The following PRR29 variants were observed in gnomAD, a reference collection of about 807,000 sequenced individuals.
The protein encoded by PRR29 is proline-rich protein 29.
In PRR29, 20 loss-of-function variants were observed where a neutral mutation model predicts 25.1. The observed-to-expected ratio is 0.80, with a 90% CI of 0.56 to 1.16. The LOEUF (loss-of-function observed/expected upper bound fraction) is 1.16. PRR29 is among the 50% of genes most tolerant of loss of function. The pLI is 0.00. For missense variants in PRR29, 238 were observed against 246.6 expected (o/e 0.97, Z 0.23); for synonymous variants, 108 against 102.6 (o/e 1.05, Z -0.32).
At position 63,998,416 on chromosome 17, in the gene PRR29, G is replaced by A; in HGVS notation, c.52G>A (p.Val18Ile). 6.7e-7 allele frequency: 1 copy of A among 1,495,846 alleles called. No homozygotes were observed. The highest frequency in any genetic ancestry group is 8.9e-7 in the Non-Finnish European group (1 of 1,126,318). 92.7% of individuals were successfully genotyped at this position (1,495,846 alleles called of 1,614,324 possible). ...SWGRSPPQSA[V>I]PTPWVTFLQP... Reference sequence around the variant, plus strand: ...GGGTCGCTCCCCACCGCAGAGCGCAGTCCCGACGGTGAGGGCTGAGCCCGG... The same window carrying A: ...GGGTCGCTCCCCACCGCAGAGCGCAATCCCGACGGTGAGGGCTGAGCCCGG... Residue 18 changes from valine (V) to isoleucine (I), a missense_variant, in exon 1 of 6, where the codon GTC becomes ATC. Transcript: ENST00000412177.
intron 3 of PRR29, chr17:63,999,905 T>TG (rs1464293541): frequency 6.5e-6 from 1 of 153,276 alleles, no homozygotes; most frequent in African/African-American, 2.4e-5. Flanking sequence ...TGTGTGCAAG[T>TG]GGGGGTGTGT....
chr17:64,001,345 T>C (rs915946208), intron 4 of PRR29, 35 bp downstream of exon 4: 12 of 1,523,356 alleles, frequency 7.9e-6, no homozygotes, highest in Non-Finnish European at 1.1e-5. Context: ...GGTTCTGCTC[T>C]GGGCTGGAAG....
Position 63,998,404 on chromosome 17 carries a change from C to T in PRR29, c.40C>T (p.Pro14Ser), listed in dbSNP as rs1392605051. 6.6e-7 allele frequency: 1 copy of T among 1,508,820 alleles called. No individual in the cohort carries two copies. Among genetic ancestry groups the T allele is most frequent in the Non-Finnish European group, 8.8e-7 (1 of 1,133,668 alleles). The allele number at this position is 1,508,820 out of a possible 1,614,324, so 93.5% of individuals were successfully genotyped here. ...GAGGSWGRSP[P>S]QSAVPTPWVT... ...GGGCGGAAGCTGGGGTCGCTCCCCA[C>T]CGCAGAGCGCAGTCCCGACGGTGAG... The change falls in exon 1 of 6, where the codon CCG (proline) becomes TCG (serine). Residue 14 changes from proline to serine, a missense_variant. Coordinates refer to ENST00000412177, the MANE Select transcript of PRR29 (RefSeq NM_001164257.2).
Position 64,002,258 on chromosome 17 carries a change from T to G in PRR29, c.*497T>G. 9.5e-6 allele frequency: 5 copies of G among 527,690 alleles called. No homozygotes were observed. The highest frequency in any genetic ancestry group is 1.7e-5 in the Non-Finnish European group (5 of 293,524). The allele number at this position is 527,690 out of a possible 1,614,324, so 32.7% of individuals were successfully genotyped here. On this transcript the variant is annotated 3_prime_UTR_variant, in exon 6 of 6. Transcript: ENST00000412177. Reference sequence around the variant, plus strand: ...TGCTGGGCAGCGCCCCTGAGCAGAGTCAGTTCGCTGGGCCCCCCACCCCTC... The same window carrying G: ...TGCTGGGCAGCGCCCCTGAGCAGAGGCAGTTCGCTGGGCCCCCCACCCCTC...
intron 3 of PRR29, 105 bp from the exon 4 acceptor site, chr17:64,000,979 A>T: frequency 9.8e-7 from 1 of 1,018,930 alleles, no homozygotes; most frequent in Non-Finnish European, 1.5e-6. Flanking sequence ...AGCCATTCTT[A>T]CAAAGCCTAT....
chr17:64,003,009 C>T lies in PRR29; in HGVS notation c.*1248C>T. On this transcript the variant is annotated 3_prime_UTR_variant, in exon 6 of 6. Transcript: ENST00000412177. ...AAAGGGAGTGGAAGTCCACCCCCAACCCAGACCCCCAGACCCCGCCGCCCG... is the reference window on the plus strand; with the variant it reads ...AAAGGGAGTGGAAGTCCACCCCCAATCCAGACCCCCAGACCCCGCCGCCCG... The T allele has an allele frequency of 1.7e-6, 2 of 1,190,762 alleles. No individual in the cohort carries two copies. Among genetic ancestry groups the T allele is most frequent in the Non-Finnish European group, 2.4e-6 (2 of 846,532 alleles). 73.8% of individuals were successfully genotyped at this position (1,190,762 alleles called of 1,614,324 possible).
intron 2 of PRR29, 65 bp downstream of exon 2, chr17:63,998,847 C>T: frequency 2.5e-6 from 3 of 1,195,502 alleles, no homozygotes; most frequent in Admixed American, 2.0e-5. Flanking sequence ...TTCTGCCTCG[C>T]ACATCCTCTG....
In PRR29 at chr17:64,002,163, T is replaced by C. The variant is rs1910817680; in HGVS notation, c.*402T>C. 2.6e-6 allele frequency: 2 copies of C among 756,778 alleles called. No individual in the cohort carries two copies. The highest frequency in any genetic ancestry group is 4.2e-6 in the Non-Finnish European group (2 of 479,824). 46.9% of individuals were successfully genotyped at this position (756,778 alleles called of 1,614,324 possible). ...AGCAAGAGGGGAGGGGGGGATTCCTTCTGCTTTCCACAGCTTTGAAGGCCC... is the reference window on the plus strand; with the variant it reads ...AGCAAGAGGGGAGGGGGGGATTCCTCCTGCTTTCCACAGCTTTGAAGGCCC... On this transcript the variant is annotated 3_prime_UTR_variant, in exon 6 of 6. Coordinates refer to ENST00000412177, the MANE Select transcript of PRR29 (RefSeq NM_001164257.2).
At chr17:63,998,519 G>A in intron 1 of PRR29, 95 bp downstream of exon 1, 1 of 1,344,206 alleles carries the variant, frequency 7.4e-7, no homozygotes, top group Middle Eastern at 1.9e-4. Context: ...GAGGGGTGGG[G>A]GACGAGGAGA....
chr17:64,001,661 G>A, intron 5 of PRR29, 72 bp from the exon 6 acceptor site: 1 of 1,523,792 alleles, frequency 6.6e-7, no homozygotes, highest in Non-Finnish European at 8.8e-7. Flanking sequence ...CAACTGGCCT[G>A]TCCCCTTCCC....
chr17:64,002,950 T>C lies in PRR29; in HGVS notation c.*1189T>C, dbSNP rs1910899148. On this transcript the variant is annotated 3_prime_UTR_variant, in exon 6 of 6. Coordinates refer to ENST00000412177, the MANE Select transcript of PRR29 (RefSeq NM_001164257.2). ...TCTGGGGAGGGAGGGGGCAAGGGTC[T>C]TAGACGTCCTGTGATCCCAGTTACC... 6.2e-7 allele frequency: 1 copy of C among 1,600,134 alleles called. No homozygotes were observed. Among genetic ancestry groups the C allele is most frequent in the Non-Finnish European group, 8.5e-7 (1 of 1,170,462 alleles).
Position 63,998,709 on chromosome 17 carries a change from CT to C in PRR29, c.64del (p.Trp22GlyfsTer22). 1 of 1,524,640 alleles carries C rather than the reference CT, an allele frequency of 6.6e-7. No homozygotes were observed. The highest frequency in any genetic ancestry group is 1.2e-5 in the South Asian group (1 of 83,104). 94.4% of individuals were successfully genotyped at this position (1,524,640 alleles called of 1,614,324 possible). A position where few individuals can be genotyped will look rare whatever the true frequency, so the allele number is the denominator to read the frequency against. ...GCTGACTCCGCGCACACCCCCAGCC[CT>C]GGGTCACCTTCCTGCAGCCCCTCTC... is the stretch of plus-strand genomic sequence containing the variant. ...SPPQSAVPTP[W>X]VTFLQPLSWA... On this transcript the variant is annotated frameshift_variant, in exon 2 of 6. Coordinates refer to ENST00000412177, the MANE Select transcript of PRR29 (RefSeq NM_001164257.2). LOFTEE classifies it high-confidence loss of function.
In PRR29 at chr17:64,003,698, G is replaced by A. The variant is rs760476250; in HGVS notation, c.*1937G>A. The A allele has an allele frequency of 3.1e-6, 5 of 1,614,058 alleles. No homozygotes were observed. Among genetic ancestry groups the A allele is most frequent in the African/African-American group, 2.7e-5 (2 of 74,930 alleles). ...TGTTTGTGAAAGATGTTGCCACCGC[G>A]AGACATCAAGTCCAGCACAGCCAGG... is the stretch of plus-strand genomic sequence containing the variant. On this transcript the variant is annotated 3_prime_UTR_variant, in exon 6 of 6. Coordinates refer to ENST00000412177, the MANE Select transcript of PRR29 (RefSeq NM_001164257.2).
intron 1 of PRR29, 74 bp from the exon 2 acceptor site, chr17:63,998,633 G>GT (rs1910294165): frequency 9.9e-7 from 1 of 1,014,796 alleles, no homozygotes; most frequent in Non-Finnish European, 1.4e-6. Flanking sequence ...CCACTGGCCG[G>GT]GGGGGTTGGG....
At position 64,003,111 on chromosome 17, in the gene PRR29, A is replaced by G; in HGVS notation, c.*1350A>G. ...CTGCATTAAAATTATTATCTGGAAA[A>G]AAGGTGGCCCAGGGCTCAGGCTACC... On this transcript the variant is annotated 3_prime_UTR_variant, in exon 6 of 6. Transcript: ENST00000412177. The G allele has an allele frequency of 1.7e-6, 1 of 581,266 alleles. No homozygotes were observed. The highest frequency in any genetic ancestry group is 2.2e-5 in the South Asian group (1 of 44,636). 36.0% of individuals were successfully genotyped at this position (581,266 alleles called of 1,614,324 possible).
In PRR29 at chr17:64,003,051, T is replaced by C; in HGVS notation, c.*1290T>C. Reference sequence around the variant, plus strand: ...CGCCGCCCGCTCATGCATCCAGCAGTCACCCCAGTTGCAGAGATGAGTGGT... The same window carrying C: ...CGCCGCCCGCTCATGCATCCAGCAGCCACCCCAGTTGCAGAGATGAGTGGT... On this transcript the variant is annotated 3_prime_UTR_variant, in exon 6 of 6. Transcript: ENST00000412177. 1 of 718,136 alleles carries C rather than the reference T, an allele frequency of 1.4e-6. No homozygotes were observed. The highest frequency in any genetic ancestry group is 2.3e-6 in the Non-Finnish European group (1 of 435,174). 44.5% of individuals were successfully genotyped at this position (718,136 alleles called of 1,614,324 possible).
chr17:64,001,596 A>G, intron 5 of PRR29, 59 bp downstream of exon 5: 2 of 1,491,092 alleles, frequency 1.3e-6, no homozygotes, highest in Admixed American at 2.3e-5. Context: ...GGAGGCCAGG[A>G]GGGCCCTGTG....
chr17:63,999,788 T>C (rs1364721753), intron 3 of PRR29: 1 of 150,836 alleles, frequency 6.6e-6, no homozygotes, highest in Non-Finnish European at 1.5e-5. Context: ...CATATGTGTG[T>C]GCAAGTGTGT....
chr17:63,998,482 A>C, intron 1 of PRR29, 58 bp downstream of exon 1: 1 of 1,436,968 alleles, frequency 7.0e-7, no homozygotes. Flanking sequence ...CAGAGTGGGG[A>C]GCTGTCCCTG....
Sources: allele counts gnomAD v4.1 joint callset, GRCh38; gene constraint gnomAD v4.1.1; transcripts MANE v1.5; gene names NCBI Gene and HGNC (gene_info 2026-07-23, HGNC 2026-07-21).